The following CDK8 variants were observed in gnomAD, a reference collection of about 807,000 sequenced individuals.
CDK8 encodes cyclin-dependent kinase 8.
Under a neutral mutation model 71.5 loss-of-function variants are expected in CDK8, and 29 were observed. The observed-to-expected ratio is 0.41, with a 90% CI of 0.30 to 0.55. The LOEUF (loss-of-function observed/expected upper bound fraction) is 0.55. Ranked by LOEUF, CDK8 falls within the 20% of genes least tolerant of loss-of-function variation. CDK8 has a pLI of 0.37. For synonymous variants in CDK8, 161 were observed against 192.1 expected (o/e 0.84, Z 1.34); for missense variants, 288 against 572.6 (o/e 0.50, Z 5.07).
intron 7 of CDK8, among the ~76,000 whole-genome samples, chr13:26,394,758 G>T (rs955760319): frequency 3.3e-5 from 5 of 152,166 alleles, no homozygotes; most frequent in African/African-American, 1.2e-4. Flanking sequence ...GGCAGCAGAG[G>T]TTAGATTTGA....
At chr13:26,309,201 G>A (rs1874175404) in intron 1 of CDK8, among the ~76,000 whole-genome samples, 2 of 150,338 alleles carry the variant, frequency 1.3e-5, no homozygotes, top group Non-Finnish European at 2.9e-5. Context: ...GTGCGGTGGC[G>A]CGATCTCAGC....
At chr13:26,319,176 G>T (rs1316170943) in intron 1 of CDK8, among the ~76,000 whole-genome samples, 1 of 152,092 alleles carries the variant, frequency 6.6e-6, no homozygotes, top group Non-Finnish European at 1.5e-5. Flanking sequence ...GCATCAAAAA[G>T]AATAAAACAG....
intron 1 of CDK8, among the ~76,000 whole-genome samples, chr13:26,287,070 T>C (rs1202465870): frequency 6.6e-6 from 1 of 152,144 alleles, no homozygotes; most frequent in Non-Finnish European, 1.5e-5. Context: ...TAAACCACTA[T>C]GGAAAACAGT....
chr13:26,366,398 A>G (rs1874389437), intron 4 of CDK8, among the ~76,000 whole-genome samples: 1 of 152,156 alleles, frequency 6.6e-6, no homozygotes, highest in Admixed American at 6.5e-5. Flanking sequence ...AAGATTTAAT[A>G]CAATGAGAAG....
At chr13:26,311,310 T>G (rs1034907605) in intron 1 of CDK8, among the ~76,000 whole-genome samples, 3 of 151,992 alleles carry the variant, frequency 2.0e-5, no homozygotes, top group Non-Finnish European at 4.4e-5. Flanking sequence ...CTCCACTTAC[T>G]CTTCCCCTAC....
At chr13:26,295,512 G>A (rs574932786) in intron 1 of CDK8, among the ~76,000 whole-genome samples, 1 of 152,292 alleles carries the variant, frequency 6.6e-6, no homozygotes, top group Non-Finnish European at 1.5e-5. Context: ...ATGACAATCA[G>A]CAAGGGTTTT....
At chr13:26,267,480 G>A (rs1193129979) in intron 1 of CDK8, among the ~76,000 whole-genome samples, 1 of 152,114 alleles carries the variant, frequency 6.6e-6, no homozygotes, top group African/African-American at 2.4e-5. Flanking sequence ...GGCTCCTTGT[G>A]TATCTGCATA....
At chr13:26,365,016 T>A (rs1179867836) in intron 4 of CDK8, among the ~76,000 whole-genome samples, 2 of 152,144 alleles carry the variant, frequency 1.3e-5, no homozygotes, top group East Asian at 3.8e-4. Context: ...ACAGAGCTTT[T>A]TGAAGGAAAA....
intron 3 of CDK8, among the ~76,000 whole-genome samples, chr13:26,349,881 G>A (rs1008576508): frequency 6.6e-6 from 1 of 152,114 alleles, no homozygotes; most frequent in East Asian, 1.9e-4. Context: ...TAATGTTATT[G>A]TCAACTAGGG....
rs371185388 is a variant in CDK8 at position 26,350,641 on chromosome 13, A to G, written c.315+1459A>G. The stretch of plus-strand genomic sequence containing the variant: ...GAGACAGGGTTTCACCATGTTGGCC[A>G]GGCTGGTCTCTTAACTCCTGATGTC... On this transcript the variant is annotated intron_variant, in intron 3 of 12. Transcript: ENST00000381527. Among the ~76,000 whole-genome samples, 13 of 152,178 alleles carry G rather than the reference A, an allele frequency of 8.5e-5. No individual in the cohort carries two copies. The East Asian group carries it at 1.2e-3, about 14-fold the overall frequency.
chr13:26,296,459 G>A (rs185955298), intron 1 of CDK8, among the ~76,000 whole-genome samples: 111 of 152,302 alleles, frequency 7.3e-4, no homozygotes, highest in African/African-American at 2.5e-3. Flanking sequence ...TGAAAAGGAA[G>A]CAATTCAGAA....
chr13:26,329,200 G>A (rs151221288), intron 1 of CDK8, among the ~76,000 whole-genome samples: 296 of 152,188 alleles, frequency 1.9e-3, no homozygotes, highest in African/African-American at 6.8e-3. Flanking sequence ...TGATTTGTGT[G>A]CTCCATACTC....
At chr13:26,348,690 C>T (rs945910293) in intron 2 of CDK8, among the ~76,000 whole-genome samples, 1 of 151,374 alleles carries the variant, frequency 6.6e-6, no homozygotes, top group African/African-American at 2.4e-5. Context: ...TTTGGGATGA[C>T]AAAAAAAATT....
intron 4 of CDK8, among the ~76,000 whole-genome samples, chr13:26,379,795 AG>A (rs1383776126): frequency 6.6e-6 from 1 of 152,186 alleles, no homozygotes; most frequent in Admixed American, 6.5e-5. Context: ...CCTCTGGAGA[AG>A]GTAGTGGGAT....
At chr13:26,342,962 G>A (rs908481399) in intron 2 of CDK8, among the ~76,000 whole-genome samples, 1 of 152,084 alleles carries the variant, frequency 6.6e-6, no homozygotes, top group Admixed American at 6.5e-5. Context: ...CCTTCTTCCT[G>A]TCTCATCAGA....
intron 1 of CDK8, among the ~76,000 whole-genome samples, chr13:26,293,498 G>A (rs1873398644): frequency 6.6e-6 from 1 of 151,350 alleles, no homozygotes; most frequent in South Asian, 2.1e-4. Context: ...TCAGCTACTC[G>A]GGAGGCTGAG....
At chr13:26,337,520 C>T in intron 1 of CDK8, 47 bp from the exon 2 acceptor site, 1 of 732,218 alleles carries the variant, frequency 1.4e-6, no homozygotes, top group Non-Finnish European at 2.1e-6. Flanking sequence ...TAAAAATGCA[C>T]ATAAATATAG....
chr13:26,348,070 A>T (rs1364382006), intron 2 of CDK8, among the ~76,000 whole-genome samples: 1 of 151,990 alleles, frequency 6.6e-6, no homozygotes, highest in South Asian at 2.1e-4. Flanking sequence ...ACAAAATGTG[A>T]TATCTATATA....
In CDK8 at chr13:26,254,482, G is replaced by A. The variant is rs1871424001; in HGVS notation, c.-160G>A. On this transcript the variant is annotated 5_prime_UTR_variant, in exon 1 of 13. Coordinates refer to ENST00000381527, the MANE Select transcript of CDK8 (RefSeq NM_001260.3). The surrounding 1 kb of genome is among the most constrained non-coding windows in gnomAD (Gnocchi z 6.7). Reference sequence around the variant, plus strand: ...CCTGGATGTCCCTGGCGCTTTCGCGGGGCCTCCTCCTGCTCTTGCCGCATC... The same window carrying A: ...CCTGGATGTCCCTGGCGCTTTCGCGAGGCCTCCTCCTGCTCTTGCCGCATC... The A allele has an allele frequency of 1.8e-6, 1 of 555,356 alleles. No homozygotes were observed. The highest frequency in any genetic ancestry group is 2.2e-5 in the South Asian group (1 of 46,020). 34.4% of individuals were successfully genotyped at this position (555,356 alleles called of 1,614,324 possible).
Sources: allele counts gnomAD v4.1 joint callset (sites outside exome capture counted in the v4.1 genomes callset), GRCh38; gene constraint gnomAD v4.1.1; non-coding constraint Gnocchi (gnomAD v3.1); transcripts MANE v1.5; gene names NCBI Gene and HGNC (gene_info 2026-07-23, HGNC 2026-07-21).